The following NME7 variants were observed in gnomAD, a reference collection of about 807,000 sequenced individuals.
NME7 encodes nucleoside diphosphate kinase 7.
Under a neutral mutation model 49.1 loss-of-function variants are expected in NME7, and 41 were observed. The ratio of observed to expected loss-of-function variants is 0.83; its 90% CI spans 0.65 to 1.08. The LOEUF is 1.08. Among genes scored for constraint, NME7 ranks in the 50% least tolerant of loss-of-function variants. The pLI, the probability that NME7 is intolerant of heterozygous loss-of-function variation, is 0.00. For synonymous variants in NME7, 139 were observed against 150.6 expected (o/e 0.92, Z 0.56); for missense variants, 423 against 463.4 (o/e 0.91, Z 0.80).
chr1:169,139,850 G>A (rs778681102), intron 11 of NME7, among the ~76,000 whole-genome samples: 1 of 152,182 alleles, frequency 6.6e-6, no homozygotes, highest in Non-Finnish European at 1.5e-5. Context: ...TGAAAACTAA[G>A]ATAGTAAACA....
intron 7 of NME7, among the ~76,000 whole-genome samples, chr1:169,242,341 T>C (rs1419197474): frequency 6.6e-6 from 1 of 151,918 alleles, no homozygotes; most frequent in East Asian, 1.9e-4. Flanking sequence ...TATCTGCATA[T>C]ATTGATACAG....
Position 169,322,122 on chromosome 1 carries a change from A to T in NME7, c.278+995T>A, listed in dbSNP as rs142821321. 1.8e-4 allele frequency: 28 copies of T among 152,326 alleles called. No individual in the cohort carries two copies. In the East Asian group the frequency reaches 4.8e-3, roughly 26 times the overall value. The allele number at this position is 152,326 out of a possible 1,614,324, so 9.4% of individuals were successfully genotyped here. On this transcript the variant is annotated intron_variant, in intron 3 of 11. Transcript: ENST00000367811. ...GCTAATACTGAAAATCAGTATTCAG[A>T]AGGAAAACATCAAAAATCCTTGTTT...
Position 169,356,145 on chromosome 1 carries a change from C to A in NME7, c.3+11563G>T. ...TATCTTTCTTCCTTGGATGTTTGTG[C>A]CTTTCTGCTCCCTGATGATATTGAT... On this transcript the variant is annotated intron_variant, in intron 1 of 11. Transcript: ENST00000367811. Among the ~76,000 whole-genome samples the A allele has an allele frequency of 2.0e-5, 3 of 152,190 alleles. No homozygotes were observed. The South Asian group carries it at 6.2e-4, about 32-fold the overall frequency.
chr1:169,196,544 A>G (rs1178044550), intron 10 of NME7, among the ~76,000 whole-genome samples: 1 of 152,226 alleles, frequency 6.6e-6, no homozygotes, highest in Non-Finnish European at 1.5e-5. Flanking sequence ...TGAATAAATA[A>G]AAGCGGTAAG....
intron 10 of NME7, among the ~76,000 whole-genome samples, chr1:169,211,989 C>G (rs867330735): frequency 6.6e-6 from 1 of 151,982 alleles, no homozygotes; most frequent in Non-Finnish European, 1.5e-5. Flanking sequence ...AATGTTTCTT[C>G]TTTTTATATT....
chr1:169,320,201 A>T (rs963147230), intron 3 of NME7, among the ~76,000 whole-genome samples: 10 of 152,324 alleles, frequency 6.6e-5, no homozygotes, highest in Non-Finnish European at 1.2e-4. Context: ...TTACTAGCTA[A>T]AATTAAAATC....
chr1:169,189,671 C>T (rs1308675698), intron 10 of NME7, among the ~76,000 whole-genome samples: 1 of 152,042 alleles, frequency 6.6e-6, no homozygotes, highest in East Asian at 1.9e-4. Context: ...GTACACTATG[C>T]TTAACAAATA....
chr1:169,267,337 T>C (rs1371122420), intron 7 of NME7, among the ~76,000 whole-genome samples: 1 of 133,902 alleles, frequency 7.5e-6, no homozygotes, highest in Non-Finnish European at 1.8e-5. Flanking sequence ...AAAATGGTCA[T>C]ACTGCCTAAA....
At chr1:169,188,026 G>T (rs1445868596) in intron 10 of NME7, among the ~76,000 whole-genome samples, 1 of 152,186 alleles carries the variant, frequency 6.6e-6, no homozygotes, top group African/African-American at 2.4e-5. Flanking sequence ...GGCTGGATAT[G>T]AAATCCTGGG....
At position 169,214,723 on chromosome 1, in the gene NME7, G is replaced by T. The variant is rs752215656; in HGVS notation, c.990+15995C>A. Among the ~76,000 whole-genome samples, 124 of 152,226 alleles carry T rather than the reference G, an allele frequency of 8.1e-4. 1 individual carries two copies. Among genetic ancestry groups the T allele is most frequent in the Non-Finnish European group, 2.2e-4 (15 of 68,038 alleles). ...ATTTACTCAGCCTGCCATGCTCAATGCCTTGTGGGAGGGCATGCGTAGGTG... is the reference window on the plus strand; with the variant it reads ...ATTTACTCAGCCTGCCATGCTCAATTCCTTGTGGGAGGGCATGCGTAGGTG... On this transcript the variant is annotated intron_variant, in intron 10 of 11. Transcript: ENST00000367811.
intron 3 of NME7, among the ~76,000 whole-genome samples, chr1:169,311,127 C>T (rs1651366267): frequency 6.6e-6 from 1 of 151,826 alleles, no homozygotes; most frequent in Admixed American, 6.6e-5. Context: ...GGATAAAATT[C>T]AAATATCCTG....
chr1:169,202,779 A>C (rs1187279582), intron 10 of NME7, among the ~76,000 whole-genome samples: 1 of 152,192 alleles, frequency 6.6e-6, no homozygotes, highest in East Asian at 1.9e-4. Context: ...AGCCAGAAAC[A>C]TGCAATTGGA....
At chr1:169,236,951 T>G (rs1010790833) in intron 8 of NME7, among the ~76,000 whole-genome samples, 6 of 152,100 alleles carry the variant, frequency 3.9e-5, no homozygotes, top group East Asian at 1.9e-4. Flanking sequence ...CCAAATTGTT[T>G]ATCTGATTTA....
At chr1:169,362,102 C>T (rs1472399235) in intron 1 of NME7, among the ~76,000 whole-genome samples, 1 of 150,858 alleles carries the variant, frequency 6.6e-6, no homozygotes, top group African/African-American at 2.4e-5. Flanking sequence ...AAGTTACTCA[C>T]AAGGTGGAGG....
At chr1:169,268,189 G>C (rs1290347208) in intron 7 of NME7, among the ~76,000 whole-genome samples, 1 of 133,848 alleles carries the variant, frequency 7.5e-6, no homozygotes, top group African/African-American at 2.5e-5. Flanking sequence ...ATGAAAAAAA[G>C]CTCAATATCA....
intron 3 of NME7, among the ~76,000 whole-genome samples, chr1:169,314,014 G>A (rs1651512851): frequency 6.6e-6 from 1 of 152,020 alleles, no homozygotes; most frequent in Admixed American, 6.6e-5. Context: ...ATACAACAGA[G>A]ATAAGAAAAT....
At chr1:169,306,697 A>T (rs1198352434) in intron 4 of NME7, among the ~76,000 whole-genome samples, 1 of 152,178 alleles carries the variant, frequency 6.6e-6, no homozygotes, top group African/African-American at 2.4e-5. Context: ...CATGCATGGG[A>T]CTACTCAAGT....
At chr1:169,204,259 T>G (rs75967403) in intron 10 of NME7, among the ~76,000 whole-genome samples, 7,168 of 151,292 alleles carry the variant, frequency 0.047, 222 homozygotes, top group East Asian at 0.12. Context: ...CTCAAATGCC[T>G]CAGTACTGGC....
intron 6 of NME7, among the ~76,000 whole-genome samples, chr1:169,288,342 C>T (rs1436486557): frequency 6.6e-6 from 1 of 152,086 alleles, no homozygotes; most frequent in Non-Finnish European, 1.5e-5. Context: ...GGGATTGGTA[C>T]TCAAATCCCT....
Sources: gnomAD v4.1 joint callset for allele counts (sites outside exome capture counted in the v4.1 genomes callset) on GRCh38, gnomAD v4.1.1 for gene constraint, MANE v1.5 for transcripts, NCBI Gene and HGNC (gene_info 2026-07-23, HGNC 2026-07-21) for gene names.